Variants in RUNX1 observed in about 807,000 individuals in gnomAD.
RUNX1 encodes RUNX family transcription factor 1.
In RUNX1, 19 loss-of-function variants were observed where a neutral mutation model predicts 42.8. The observed-to-expected ratio is 0.44, with a 90% CI of 0.31 to 0.65. The LOEUF (loss-of-function observed/expected upper bound fraction) is 0.65. Ranked by LOEUF, RUNX1 falls within the 30% of genes least tolerant of loss-of-function variation. The pLI, the probability that RUNX1 is intolerant of heterozygous loss-of-function variation, is 0.07. For synonymous variants in RUNX1, 271 were observed against 289.4 expected (o/e 0.94, Z 0.64); for missense variants, 528 against 672.0 (o/e 0.79, Z 2.37).
intron 2 of RUNX1, among the ~76,000 whole-genome samples, chr21:34,958,105 G>C (rs918941680): frequency 6.6e-6 from 1 of 152,156 alleles, no homozygotes; most frequent in Non-Finnish European, 1.5e-5. Context: ...CCTCCTGTGA[G>C]ATAAAGGGCT....
intron 2 of RUNX1, among the ~76,000 whole-genome samples, chr21:35,006,849 T>A (rs76527532): frequency 0.016 from 2,447 of 152,222 alleles, 66 homozygotes; most frequent in African/African-American, 0.056. Flanking sequence ...GCTGGAAAGA[T>A]AGAAGAGAGG....
At chr21:34,865,783 TAAACCTC>T (rs1168377910) in intron 5 of RUNX1, among the ~76,000 whole-genome samples, 1 of 152,224 alleles carries the variant, frequency 6.6e-6, no homozygotes, top group Admixed American at 6.5e-5. Flanking sequence ...GGGAAGTGGC[TAAACCTC>T]AGGATTGCTT....
chr21:34,908,947 G>C (rs2058248544), intron 2 of RUNX1, among the ~76,000 whole-genome samples: 1 of 150,380 alleles, frequency 6.6e-6, no homozygotes, highest in Admixed American at 6.6e-5. Context: ...GTGTGTGTGT[G>C]TCTGTGTGTG....
intron 7 of RUNX1, among the ~76,000 whole-genome samples, chr21:34,831,321 A>G (rs762328980): frequency 1.3e-4 from 20 of 152,128 alleles, no homozygotes; most frequent in Non-Finnish European, 2.6e-4. Flanking sequence ...CAACAAATAA[A>G]CAGTGGTTTA....
intron 2 of RUNX1, among the ~76,000 whole-genome samples, chr21:34,949,276 G>A (rs1488081298): frequency 1.3e-5 from 2 of 152,262 alleles, no homozygotes; most frequent in East Asian, 3.9e-4. Flanking sequence ...TTTAAATATT[G>A]CCATTAGCCC....
intron 3 of RUNX1, among the ~76,000 whole-genome samples, chr21:34,891,847 G>A (rs1310036651): frequency 6.6e-6 from 1 of 152,172 alleles, no homozygotes; most frequent in Non-Finnish European, 1.5e-5. Context: ...TTCTGCAGTG[G>A]ATTTAAAAAG....
At chr21:35,009,243 CT>C (rs2059107666) in intron 2 of RUNX1, among the ~76,000 whole-genome samples, 1 of 152,206 alleles carries the variant, frequency 6.6e-6, no homozygotes, top group Admixed American at 6.5e-5. Flanking sequence ...AAACTCTCTG[CT>C]AGATCACGTG....
chr21:34,939,415 TC>T (rs367598664), intron 2 of RUNX1, among the ~76,000 whole-genome samples: 379 of 152,340 alleles, frequency 2.5e-3, no homozygotes, highest in African/African-American at 8.6e-3. Flanking sequence ...CTTTGATTCT[TC>T]CATTGGAGAA....
At chr21:34,856,364 T>C (rs771664699) in intron 6 of RUNX1, 1 of 518,922 alleles carries the variant, frequency 1.9e-6, no homozygotes, top group African/African-American at 1.9e-5. Flanking sequence ...TAGACAGTCT[T>C]CGAGATGAGC....
chr21:34,917,862 G>A (rs1335315928), intron 2 of RUNX1, among the ~76,000 whole-genome samples: 1 of 152,086 alleles, frequency 6.6e-6, no homozygotes, highest in Non-Finnish European at 1.5e-5. Flanking sequence ...CGGGCGTAGT[G>A]GCTCATGCCT....
At chr21:34,995,359 C>G (rs1428388165) in intron 2 of RUNX1, among the ~76,000 whole-genome samples, 1 of 149,066 alleles carries the variant, frequency 6.7e-6, no homozygotes, top group Non-Finnish European at 1.5e-5. Flanking sequence ...ATCATTTTTC[C>G]TAACTGAAAA....
chr21:34,884,679 T>C lies in RUNX1; in HGVS notation c.351+2164A>G, dbSNP rs562429351. ...CACGTTTACTGTCTCACTGAACATT[T>C]TGTCTACTCTTCTAGTTATGCAGTG... On this transcript the variant is annotated intron_variant, in intron 4 of 8. Transcript: ENST00000675419. Among the ~76,000 whole-genome samples, 32 of 152,338 alleles carry C rather than the reference T, an allele frequency of 2.1e-4. No homozygotes were observed. In the South Asian group the frequency reaches 6.4e-3, roughly 31 times the overall value.
At chr21:35,001,775 A>C (rs2059046252) in intron 2 of RUNX1, among the ~76,000 whole-genome samples, 1 of 152,206 alleles carries the variant, frequency 6.6e-6, no homozygotes, top group African/African-American at 2.4e-5. Context: ...AATCTGTTCG[A>C]TATAATAAGT....
At chr21:35,007,100 GAGAA>G (rs1447016911) in intron 2 of RUNX1, among the ~76,000 whole-genome samples, 1 of 152,220 alleles carries the variant, frequency 6.6e-6, no homozygotes, top group African/African-American at 2.4e-5. Context: ...ACTCGGGAAA[GAGAA>G]AGAGTGTAAG....
chr21:34,802,162 G>A (rs2056616549), intron 7 of RUNX1, among the ~76,000 whole-genome samples: 1 of 152,234 alleles, frequency 6.6e-6, no homozygotes, highest in South Asian at 2.1e-4. Flanking sequence ...AAGTAGAGGA[G>A]AGTACGATGG....
chr21:34,850,254 C>T (rs1206969267), intron 6 of RUNX1, among the ~76,000 whole-genome samples: 2 of 152,186 alleles, frequency 1.3e-5, no homozygotes, highest in Non-Finnish European at 2.9e-5. Flanking sequence ...ATGACAAGGC[C>T]TGACCATCTC....
chr21:35,036,280 ATATTAT>A (rs1237276349), intron 2 of RUNX1, among the ~76,000 whole-genome samples: 1 of 151,630 alleles, frequency 6.6e-6, no homozygotes, highest in African/African-American at 2.4e-5. Context: ...TGATTTTATT[ATATTAT>A]TATTGTTTAT....
chr21:34,828,179 T>C (rs1282288725), intron 7 of RUNX1, among the ~76,000 whole-genome samples: 1 of 152,236 alleles, frequency 6.6e-6, no homozygotes, highest in African/African-American at 2.4e-5. Context: ...CTTAGCCCCA[T>C]TGTATCCAGA....
At chr21:34,897,495 C>T (rs2058140073) in intron 2 of RUNX1, among the ~76,000 whole-genome samples, 1 of 152,156 alleles carries the variant, frequency 6.6e-6, no homozygotes, top group Non-Finnish European at 1.5e-5. Flanking sequence ...GTGAAATTGC[C>T]TCTTAAAGAC....
Sources: allele counts gnomAD v4.1 joint callset (sites outside exome capture counted in the v4.1 genomes callset), GRCh38; gene constraint gnomAD v4.1.1; transcripts MANE v1.5; gene names NCBI Gene and HGNC (gene_info 2026-07-23, HGNC 2026-07-21).